The following AOX1 variants were observed in gnomAD, a reference collection of about 807,000 sequenced individuals.
AOX1 encodes aldehyde oxidase.
Under a neutral mutation model 169.5 loss-of-function variants are expected in AOX1, and 153 were observed. The ratio of observed to expected loss-of-function variants is 0.90; its 90% CI spans 0.79 to 1.03. The LOEUF is 1.03. Among genes scored for constraint, AOX1 ranks in the 50% least tolerant of loss-of-function variants. The probability of loss-of-function intolerance (pLI) is 0.00; values close to 1 mark genes in which losing one functional copy is unlikely to be tolerated. For synonymous variants in AOX1, 562 were observed against 581.9 expected (o/e 0.97, Z 0.49); for missense variants, 1,656 against 1,663.9 (o/e 1.00, Z 0.08).
chr2:200,616,448 G>A (rs1384184036), intron 16 of AOX1, among the ~76,000 whole-genome samples: 1 of 152,184 alleles, frequency 6.6e-6, no homozygotes, highest in African/African-American at 2.4e-5. Context: ...ATTTTCAGAG[G>A]AAAAGACACA....
chr2:200,601,331 G>A (rs986304031), intron 5 of AOX1, among the ~76,000 whole-genome samples: 9 of 152,088 alleles, frequency 5.9e-5, no homozygotes, highest in African/African-American at 1.9e-4. Flanking sequence ...AGATGTATTC[G>A]TCAAAGGTAA....
rs146011185 is a variant in AOX1, at chr2:200,611,807, C to T, written c.1263+314C>T. Among the ~76,000 whole-genome samples, 89 of 151,486 alleles carry T rather than the reference C, an allele frequency of 5.9e-4. No homozygotes were observed. The East Asian group carries it at 0.017, about 29-fold the overall frequency. On this transcript the variant is annotated intron_variant, in intron 13 of 34. Coordinates refer to ENST00000374700, the MANE Select transcript of AOX1 (RefSeq NM_001159.4). Reference sequence around the variant, plus strand: ...GCAATCTCTGCCTCCCAGGTTCAAGCGATCCTCCTGCCTCAGCCTCCCGAG... The same window carrying T: ...GCAATCTCTGCCTCCCAGGTTCAAGTGATCCTCCTGCCTCAGCCTCCCGAG...
rs145184679 is a variant in AOX1, at chr2:200,634,886, G to T, written c.2317G>T (p.Val773Leu). 3.2e-5 allele frequency: 51 copies of T among 1,614,064 alleles called. No homozygotes were observed. The East Asian group carries it at 1.0e-3, about 32-fold the overall frequency. ...KGEDQEMDVY[V>L]STQFPKYIQD... ...AGAGGATCAAGAAATGGATGTCTACGTGTCCACACAGTTTCCCAAATATAT... is the reference window on the plus strand; with the variant it reads ...AGAGGATCAAGAAATGGATGTCTACTTGTCCACACAGTTTCCCAAATATAT... Residue 773 changes from valine (V) to leucine (L), a missense_variant, in exon 21 of 35, where the codon GTG (valine) becomes TTG (leucine). Val to Leu is a conservative substitution (Grantham distance 32, BLOSUM62 1). Transcript: ENST00000374700.
At chr2:200,665,782 A>G (rs1331761467) in intron 31 of AOX1, among the ~76,000 whole-genome samples, 1 of 152,194 alleles carries the variant, frequency 6.6e-6, no homozygotes, top group Non-Finnish European at 1.5e-5. Flanking sequence ...AAGACTTTAG[A>G]GCTCCTCCTC....
chr2:200,681,843 GAATGGTAT>G (rs1197208441), downstream of AOX1, among the ~76,000 whole-genome samples: 2 of 152,102 alleles, frequency 1.3e-5, no homozygotes, highest in African/African-American at 4.8e-5. Context: ...AATGTTACTG[GAATGGTAT>G]TTGGAAATAT....
intron 15 of AOX1, among the ~76,000 whole-genome samples, chr2:200,615,664 TA>T (rs1365175762): frequency 2.0e-5 from 3 of 152,236 alleles, no homozygotes; most frequent in Non-Finnish European, 4.4e-5. Context: ...GATCAGTTTG[TA>T]AGTCCTCATA....
intron 25 of AOX1, among the ~76,000 whole-genome samples, chr2:200,645,187 C>A (rs1217801365): frequency 6.6e-6 from 1 of 152,104 alleles, no homozygotes; most frequent in African/African-American, 2.4e-5. Context: ...TTTCCCCATT[C>A]AGTATTATGT....
chr2:200,636,116 G>GTTTTTTT (rs1574941142), intron 21 of AOX1, among the ~76,000 whole-genome samples: 1 of 97,798 alleles, frequency 1.0e-5, no homozygotes, highest in Non-Finnish European at 2.0e-5. Context: ...AGTGAGAAGT[G>GTTTTTTT]CTTTTTTTTT....
Position 200,669,711 on chromosome 2 carries a change from G to A in AOX1, c.3935G>A (p.Arg1312Lys), listed in dbSNP as rs981612104. 1.2e-6 allele frequency: 2 copies of A among 1,613,786 alleles called. No individual in the cohort carries two copies. The highest frequency in any genetic ancestry group is 1.7e-6 in the Non-Finnish European group (2 of 1,179,954). Residue 1312 changes from arginine to lysine, a missense_variant, in exon 34 of 35, where the codon AGG (arginine) becomes AAG (lysine). Coordinates refer to ENST00000374700, the MANE Select transcript of AOX1 (RefSeq NM_001159.4). ...LNSPLTPEKI[R>K]MACEDKFTKM... is the part of the protein sequence containing the mutation. ...AGTCCACTGACCCCGGAGAAGATTA[G>A]GATGGCCTGTGAAGACAAGTTCACA...
rs546401515 is a variant in AOX1 at position 200,649,294 on chromosome 2, T to C, written c.2848-1680T>C. ...CCTAGGGCCTTTCTGCTGCTTCCTC[T>C]ACCCCTGCATTTTGCTTGGCTCTCT... On this transcript the variant is annotated intron_variant, in intron 25 of 34. Coordinates refer to ENST00000374700, the MANE Select transcript of AOX1 (RefSeq NM_001159.4). 4.0e-5 allele frequency among the ~76,000 whole-genome samples: 6 copies of C among 150,842 alleles called. No individual in the cohort carries two copies. The East Asian group carries it at 1.2e-3, about 30-fold the overall frequency.
chr2:200,634,389 G>A (rs2035187488), intron 20 of AOX1, among the ~76,000 whole-genome samples: 1 of 151,944 alleles, frequency 6.6e-6, no homozygotes. Flanking sequence ...AATGCTCAGG[G>A]TTGTTATCTG....
At position 200,627,356 on chromosome 2, in the gene AOX1, A is replaced by G; in HGVS notation, c.2128A>G (p.Ser710Gly). 1 of 1,611,808 alleles carries G rather than the reference A, an allele frequency of 6.2e-7. No homozygotes were observed. Among genetic ancestry groups the G allele is most frequent in the Non-Finnish European group, 8.5e-7 (1 of 1,178,056 alleles). ...CATTCCTCTGTTCTCTTTCTAGGAA[A>G]GTATACAACACAACTCCTCCTTCAA... ...LEPLILTIEE[S>G]IQHNSSFKPE... Residue 710 changes from serine (S) to glycine (G), a missense_variant, in exon 20 of 35, where the codon AGT becomes GGT. By Grantham distance (56) the Ser-to-Gly change is moderately conservative (BLOSUM62 0). Transcript: ENST00000374700.
intron 1 of AOX1, among the ~76,000 whole-genome samples, chr2:200,592,549 G>C (rs1559228927): frequency 6.6e-6 from 1 of 151,934 alleles, no homozygotes; most frequent in East Asian, 1.9e-4. Context: ...CTGCTGCTAT[G>C]TGCCAGGCTG....
intron 5 of AOX1, among the ~76,000 whole-genome samples, chr2:200,600,478 G>C (rs1053945473): frequency 9.9e-5 from 15 of 151,558 alleles, no homozygotes; most frequent in South Asian, 4.2e-4. Flanking sequence ...TATGTGGCGG[G>C]GGGGGACATC....
chr2:200,599,738 C>A lies in AOX1; in HGVS notation c.428C>A (p.Ala143Asp), dbSNP rs776118835. The change falls in exon 5 of 35, where the codon GCC becomes GAC. Residue 143 changes from alanine to aspartate, a missense_variant. Ala to Asp is a moderately radical substitution (Grantham distance 126). Transcript: ENST00000374700. ...CCCACTCTGGATCAGTTAACTGATGCCCTTGGTGGTAGGTTATATATGCAT... is the reference window on the plus strand; with the variant it reads ...CCCACTCTGGATCAGTTAACTGATGACCTTGGTGGTAGGTTATATATGCAT... Reference protein sequence around the residue: ...PEPTLDQLTDALGGNLCRCTG... With the variant: ...PEPTLDQLTDDLGGNLCRCTG... 1.9e-6 allele frequency: 3 copies of A among 1,593,964 alleles called. No individual in the cohort carries two copies. The highest frequency in any genetic ancestry group is 4.6e-5 in the East Asian group (2 of 43,782).
chr2:200,594,420 C>G (rs1271496711), intron 2 of AOX1, among the ~76,000 whole-genome samples: 5 of 152,154 alleles, frequency 3.3e-5, no homozygotes, highest in Non-Finnish European at 7.3e-5. Context: ...CTATCACACT[C>G]ACATAAAGGA....
At chr2:200,658,576 T>C (rs1442704442) in intron 27 of AOX1, among the ~76,000 whole-genome samples, 3 of 152,216 alleles carry the variant, frequency 2.0e-5, no homozygotes, top group Non-Finnish European at 4.4e-5. Context: ...GAGGCAAGTT[T>C]GGGATCAACT....
intron 32 of AOX1, among the ~76,000 whole-genome samples, chr2:200,667,834 A>G (rs2035949993): frequency 1.3e-5 from 2 of 152,130 alleles, no homozygotes; most frequent in African/African-American, 4.8e-5. Flanking sequence ...ATCTAAAATC[A>G]GAGTCCAGAG....
At chr2:200,651,979 A>G (rs889177709) in intron 26 of AOX1, among the ~76,000 whole-genome samples, 3 of 152,186 alleles carry the variant, frequency 2.0e-5, no homozygotes, top group African/African-American at 7.2e-5. Context: ...ATAAGCTGGG[A>G]GGACCCTCAC....
Sources: allele counts gnomAD v4.1 joint callset (sites outside exome capture counted in the v4.1 genomes callset), GRCh38; gene constraint gnomAD v4.1.1; transcripts MANE v1.5; gene names NCBI Gene and HGNC (gene_info 2026-07-23, HGNC 2026-07-21).